The following FBXL17 variants were observed in gnomAD, a reference collection of about 807,000 sequenced individuals.
The protein encoded by FBXL17 is F-box/LRR-repeat protein 17.
In FBXL17, 22 loss-of-function variants were observed where a neutral mutation model predicts 66.2. That is an observed-to-expected ratio of 0.33 (90% CI 0.24 to 0.47). FBXL17 has a LOEUF of 0.47. FBXL17 is among the 20% of genes least tolerant of loss of function. The pLI, the probability that FBXL17 is intolerant of heterozygous loss-of-function variation, is 1.00. For missense variants in FBXL17, 878 were observed against 948.2 expected (o/e 0.93, Z 0.97); for synonymous variants, 474 against 400.5 (o/e 1.18, Z -2.19).
intron 4 of FBXL17, among the ~76,000 whole-genome samples, chr5:108,283,354 G>T (rs1757773438): frequency 6.6e-6 from 1 of 151,830 alleles, no homozygotes; most frequent in South Asian, 2.1e-4. Context: ...CAGACACATA[G>T]ATCAATGGAA....
rs556109188 is a variant in FBXL17 at position 107,962,821 on chromosome 5, G to A, written c.1822+58104C>T. On this transcript the variant is annotated intron_variant, in intron 7 of 8. Coordinates refer to ENST00000542267, the MANE Select transcript of FBXL17 (RefSeq NM_001163315.3). ...TGATACATTTCTTTTAATGACTTCAGTTATTTCATGATCTATATAGAAGTC... is the reference window on the plus strand; with the variant it reads ...TGATACATTTCTTTTAATGACTTCAATTATTTCATGATCTATATAGAAGTC... Among the ~76,000 whole-genome samples, 20 of 151,842 alleles carry A rather than the reference G, an allele frequency of 1.3e-4. No homozygotes were observed. The South Asian group carries it at 4.2e-3, about 32-fold the overall frequency.
At chr5:108,116,483 C>CA (rs34773737) in intron 6 of FBXL17, among the ~76,000 whole-genome samples, 21,401 of 134,472 alleles carry the variant, frequency 0.16, 2,092 homozygotes, top group South Asian at 0.43. Context: ...ACTAAAAATA[C>CA]AAAAAAAAAA....
intron 4 of FBXL17, 120 bp from the exon 5 acceptor site, chr5:108,224,348 C>A: frequency 2.1e-6 from 1 of 474,686 alleles, no homozygotes; most frequent in East Asian, 3.4e-5. Flanking sequence ...CCTGTTAGAT[C>A]ATTTGAATCA....
At chr5:108,189,656 C>T (rs1351293558) in intron 5 of FBXL17, among the ~76,000 whole-genome samples, 1 of 152,128 alleles carries the variant, frequency 6.6e-6, no homozygotes, top group African/African-American at 2.4e-5. Flanking sequence ...GATTTAGCAG[C>T]TATAATTATG....
intron 6 of FBXL17, among the ~76,000 whole-genome samples, chr5:108,058,473 T>TTTTC (rs1227120715): frequency 6.6e-6 from 1 of 150,600 alleles, no homozygotes; most frequent in South Asian, 2.1e-4. Context: ...CTCTCTCTCC[T>TTTTC]TTTCTTTCTT....
intron 6 of FBXL17, among the ~76,000 whole-genome samples, chr5:108,093,535 T>G (rs1749263750): frequency 6.6e-6 from 1 of 152,152 alleles, no homozygotes; most frequent in African/African-American, 2.4e-5. Flanking sequence ...AAAAGGTAAT[T>G]TACACTACTA....
chr5:108,017,044 G>T (rs1310664172), intron 7 of FBXL17, among the ~76,000 whole-genome samples: 1 of 152,126 alleles, frequency 6.6e-6, no homozygotes, highest in Admixed American at 6.6e-5. Context: ...CTCCCAAAGT[G>T]CTGGGATTAC....
intron 4 of FBXL17, among the ~76,000 whole-genome samples, chr5:108,311,073 AAAGT>A (rs1417211985): frequency 6.6e-6 from 1 of 152,196 alleles, no homozygotes; most frequent in Non-Finnish European, 1.5e-5. Context: ...GAATGAGGGA[AAAGT>A]AAGTGTCACT....
intron 7 of FBXL17, among the ~76,000 whole-genome samples, chr5:107,985,885 C>T (rs1180919710): frequency 2.0e-5 from 3 of 152,034 alleles, no homozygotes; most frequent in Non-Finnish European, 4.4e-5. Flanking sequence ...AGAGTGCAGA[C>T]GAAACAAGTT....
At chr5:108,288,777 A>C (rs75220613) in intron 4 of FBXL17, among the ~76,000 whole-genome samples, 10,052 of 152,058 alleles carry the variant, frequency 0.066, 1,109 homozygotes, top group African/African-American at 0.23. Flanking sequence ...AAAAAGTTGA[A>C]AACAGCTGTC....
chr5:108,083,309 A>G (rs540289842), intron 6 of FBXL17, among the ~76,000 whole-genome samples: 104 of 152,160 alleles, frequency 6.8e-4, no homozygotes, highest in African/African-American at 2.4e-3. Flanking sequence ...GCACAGAGGA[A>G]TAAAATATTT....
intron 6 of FBXL17, among the ~76,000 whole-genome samples, chr5:108,180,776 A>T (rs1230923074): frequency 6.6e-6 from 1 of 152,068 alleles, no homozygotes; most frequent in Non-Finnish European, 1.5e-5. Flanking sequence ...TAGCTACCGG[A>T]TGTTAGATAA....
At chr5:108,379,174 A>G (rs1028059673) in intron 1 of FBXL17, among the ~76,000 whole-genome samples, 1 of 152,108 alleles carries the variant, frequency 6.6e-6, no homozygotes, top group African/African-American at 2.4e-5. Flanking sequence ...TCTCGGCATT[A>G]AAATGTTTTT....
chr5:108,021,681 A>G (rs2112765512), intron 6 of FBXL17, among the ~76,000 whole-genome samples: 1 of 151,812 alleles, frequency 6.6e-6, no homozygotes, highest in African/African-American at 2.4e-5. Flanking sequence ...CTCTGCTCTA[A>G]TAGGCCTAGC....
chr5:107,984,642 T>A (rs1483905054), intron 7 of FBXL17, among the ~76,000 whole-genome samples: 2 of 152,214 alleles, frequency 1.3e-5, no homozygotes, highest in Non-Finnish European at 2.9e-5. Flanking sequence ...TGAAGCAAAG[T>A]CAAATAAAAA....
intron 7 of FBXL17, among the ~76,000 whole-genome samples, chr5:107,953,630 A>G (rs764674541): frequency 2.6e-5 from 4 of 152,176 alleles, no homozygotes; most frequent in Non-Finnish European, 5.9e-5. Flanking sequence ...GTCCAAAAGC[A>G]AAGTCTTCAC....
At chr5:107,917,967 G>A (rs914652154) in intron 7 of FBXL17, among the ~76,000 whole-genome samples, 3 of 152,198 alleles carry the variant, frequency 2.0e-5, no homozygotes, top group Non-Finnish European at 4.4e-5. Context: ...GAGAAATAAT[G>A]GTTTAAATGT....
chr5:107,908,899 G>T (rs370870370), intron 7 of FBXL17, among the ~76,000 whole-genome samples: 8 of 152,152 alleles, frequency 5.3e-5, no homozygotes, highest in African/African-American at 1.9e-4. Flanking sequence ...TCAGGCTTAT[G>T]GATCTGGGAC....
At chr5:108,293,064 G>A (rs1251430687) in intron 4 of FBXL17, among the ~76,000 whole-genome samples, 3 of 149,004 alleles carry the variant, frequency 2.0e-5, no homozygotes, top group African/African-American at 7.4e-5. Context: ...CTCCAGCCTG[G>A]GCAACAGAGC....
Sources: gnomAD v4.1 joint callset for allele counts (sites outside exome capture counted in the v4.1 genomes callset) on GRCh38, gnomAD v4.1.1 for gene constraint, MANE v1.5 for transcripts, NCBI Gene and HGNC (gene_info 2026-07-23, HGNC 2026-07-21) for gene names.